The following IMMP2L variants were observed in gnomAD, a reference collection of about 807,000 sequenced individuals.
The protein encoded by IMMP2L is mitochondrial inner membrane protease subunit 2.
In IMMP2L, 18 loss-of-function variants were observed where a neutral mutation model predicts 19.3. The observed-to-expected ratio is 0.93, with a 90% CI of 0.64 to 1.38. The LOEUF (loss-of-function observed/expected upper bound fraction) is 1.38. Ranked by LOEUF, IMMP2L falls within the 40% of genes most tolerant of loss-of-function variation. IMMP2L has a pLI of 0.00. For missense variants in IMMP2L, 233 were observed against 218.2 expected (o/e 1.07, Z -0.43); for synonymous variants, 76 against 73.0 (o/e 1.04, Z -0.21).
intron 3 of IMMP2L, among the ~76,000 whole-genome samples, chr7:111,270,642 T>C (rs1211614070): frequency 6.6e-6 from 1 of 152,140 alleles, no homozygotes; most frequent in East Asian, 1.9e-4. Flanking sequence ...CATCCTACCC[T>C]TTGGAAAGTA....
chr7:110,868,361 AT>A (rs376628087), intron 5 of IMMP2L, among the ~76,000 whole-genome samples: 17 of 152,122 alleles, frequency 1.1e-4, no homozygotes, highest in African/African-American at 4.1e-4. Context: ...ATTATGTTGG[AT>A]GAAGACAACC....
At chr7:111,172,246 C>T (rs1165540565) in intron 3 of IMMP2L, among the ~76,000 whole-genome samples, 1 of 151,284 alleles carries the variant, frequency 6.6e-6, no homozygotes, top group African/African-American at 2.4e-5. Context: ...ACATTGAGTG[C>T]TTTCGAGACA....
intron 5 of IMMP2L, among the ~76,000 whole-genome samples, chr7:110,764,897 A>G (rs1424975077): frequency 6.6e-6 from 1 of 152,168 alleles, no homozygotes; most frequent in African/African-American, 2.4e-5. Context: ...TATTAAAAAC[A>G]TTAAAAACTA....
intron 3 of IMMP2L, among the ~76,000 whole-genome samples, chr7:111,359,354 T>G (rs973783187): frequency 6.6e-6 from 1 of 152,022 alleles, no homozygotes; most frequent in Admixed American, 6.6e-5. Flanking sequence ...CAGGCTGGAG[T>G]GCAGTGGCAT....
intron 3 of IMMP2L, among the ~76,000 whole-genome samples, chr7:111,425,782 A>G (rs1387328157): frequency 6.6e-6 from 1 of 151,314 alleles, no homozygotes; most frequent in Non-Finnish European, 1.5e-5. Context: ...CCATAATCTT[A>G]GTTACCCACC....
At chr7:110,974,149 G>A (rs1421878012) in intron 3 of IMMP2L, among the ~76,000 whole-genome samples, 1 of 152,084 alleles carries the variant, frequency 6.6e-6, no homozygotes, top group Non-Finnish European at 1.5e-5. Flanking sequence ...TGGGTTAAAT[G>A]TAAGAAGGAG....
intron 5 of IMMP2L, among the ~76,000 whole-genome samples, chr7:110,826,834 A>T (rs1014868088): frequency 6.6e-6 from 1 of 152,010 alleles, no homozygotes; most frequent in Admixed American, 6.6e-5. Context: ...CTTAAAGTAT[A>T]TTAAAAAAAT....
At chr7:111,125,812 G>A (rs919436774) in intron 3 of IMMP2L, among the ~76,000 whole-genome samples, 24 of 144,050 alleles carry the variant, frequency 1.7e-4, no homozygotes, top group East Asian at 6.0e-4. Flanking sequence ...GTTTTAGGCC[G>A]CTTGCTTTTT....
intron 3 of IMMP2L, among the ~76,000 whole-genome samples, chr7:111,119,882 G>A (rs1401862240): frequency 3.3e-5 from 5 of 152,172 alleles, no homozygotes; most frequent in Non-Finnish European, 7.4e-5. Flanking sequence ...CCACTGTGAA[G>A]GGGCAGCTAA....
At chr7:111,454,263 C>G (rs1839485062) in intron 3 of IMMP2L, among the ~76,000 whole-genome samples, 1 of 152,122 alleles carries the variant, frequency 6.6e-6, no homozygotes, top group Non-Finnish European at 1.5e-5. Context: ...TCCAGAATAG[C>G]TGGGACCACA....
chr7:110,772,558 T>C (rs1287557748), intron 5 of IMMP2L, among the ~76,000 whole-genome samples: 1 of 152,034 alleles, frequency 6.6e-6, no homozygotes, highest in Non-Finnish European at 1.5e-5. Context: ...CTTCAATGAG[T>C]GTGATGCTGA....
At chr7:110,990,952 T>C (rs1822388225) in intron 3 of IMMP2L, among the ~76,000 whole-genome samples, 1 of 152,216 alleles carries the variant, frequency 6.6e-6, no homozygotes, top group Non-Finnish European at 1.5e-5. Flanking sequence ...CACATTTTAA[T>C]GCCCTTTCTT....
At chr7:110,695,647 C>T (rs1045971735) in intron 5 of IMMP2L, among the ~76,000 whole-genome samples, 17 of 152,144 alleles carry the variant, frequency 1.1e-4, no homozygotes, top group African/African-American at 3.4e-4. Flanking sequence ...GAGGAGGGAG[C>T]GGCAGTCCCT....
chr7:110,774,114 T>C (rs1799225048), intron 5 of IMMP2L, among the ~76,000 whole-genome samples: 1 of 152,054 alleles, frequency 6.6e-6, no homozygotes, highest in Non-Finnish European at 1.5e-5. Flanking sequence ...TAAAATATTG[T>C]ATGGTATTTT....
At chr7:111,095,662 C>T (rs1005887151) in intron 3 of IMMP2L, among the ~76,000 whole-genome samples, 3 of 151,994 alleles carry the variant, frequency 2.0e-5, no homozygotes, top group Non-Finnish European at 4.4e-5. Context: ...TGCTATCCTT[C>T]ACCTACAGAG....
At position 111,281,220 on chromosome 7, in the gene IMMP2L, GAAA is replaced by G. The variant is rs1563005267; in HGVS notation, c.239+206015_239+206017del. On this transcript the variant is annotated intron_variant, in intron 3 of 5. Transcript: ENST00000405709. ...AAAGAAAGAAAGAAAGAAAGAAAAA[GAAA>G]GAAAGAAAGAAAGAAAGAAAGAAGA... 8.4e-4 allele frequency among the ~76,000 whole-genome samples: 56 copies of G among 67,018 alleles called. 3 individuals are homozygous for G. The highest frequency in any genetic ancestry group is 3.3e-3 in the African/African-American group (52 of 15,598). The allele number at this position is 67,018 out of a possible 152,430, so 44.0% of individuals were successfully genotyped here.
intron 1 of IMMP2L, among the ~76,000 whole-genome samples, chr7:111,559,959 A>G (rs933178801): frequency 1.3e-5 from 2 of 152,114 alleles, no homozygotes; most frequent in African/African-American, 4.8e-5. Flanking sequence ...ATAGCCAAGA[A>G]GAAGGAGAAA....
intron 5 of IMMP2L, among the ~76,000 whole-genome samples, chr7:110,713,650 GTGT>G (rs1795044039): frequency 2.2e-5 from 1 of 45,200 alleles, no homozygotes; most frequent in African/African-American, 8.9e-5. Context: ...GTATTTTTAG[GTGT>G]TTTTTTTTTT....
chr7:111,064,837 G>C (rs1426203076), intron 3 of IMMP2L, among the ~76,000 whole-genome samples: 3 of 152,202 alleles, frequency 2.0e-5, no homozygotes, highest in African/African-American at 7.2e-5. Context: ...CCGCAATGGA[G>C]ACGAGGAAGA....
Sources: gnomAD v4.1 joint callset for allele counts (sites outside exome capture counted in the v4.1 genomes callset) on GRCh38, gnomAD v4.1.1 for gene constraint, MANE v1.5 for transcripts, NCBI Gene and HGNC (gene_info 2026-07-23, HGNC 2026-07-21) for gene names.